The following BLK variants were observed in gnomAD, a reference collection of about 807,000 sequenced individuals.
The protein encoded by BLK is BLK proto-oncogene, Src family tyrosine kinase.
Under a neutral mutation model 61.8 loss-of-function variants are expected in BLK, and 64 were observed. That is an observed-to-expected ratio of 1.03 (90% CI 0.85 to 1.27). The LOEUF (loss-of-function observed/expected upper bound fraction) is 1.27. Among genes scored for constraint, BLK ranks in the 50% most tolerant of loss-of-function variants. The pLI is 0.00. For missense variants in BLK, 853 were observed against 660.5 expected (o/e 1.29, Z -3.19); for synonymous variants, 351 against 272.0 (o/e 1.29, Z -2.86).
At chr8:11,502,678 C>T (rs551487612) in intron 1 of BLK, among the ~76,000 whole-genome samples, 16 of 152,312 alleles carry the variant, frequency 1.1e-4, no homozygotes, top group Middle Eastern at 6.8e-3. Context: ...TCTAGCATAC[C>T]GGCACAAGCT....
At chr8:11,538,406 C>G (rs1348406109) in intron 1 of BLK, among the ~76,000 whole-genome samples, 1 of 152,210 alleles carries the variant, frequency 6.6e-6, no homozygotes, top group Non-Finnish European at 1.5e-5. Context: ...GTCAAAGCCA[C>G]TGGAGTAGGG....
At chr8:11,507,398 A>G (rs1035917270) in intron 1 of BLK, among the ~76,000 whole-genome samples, 1 of 152,224 alleles carries the variant, frequency 6.6e-6, no homozygotes, top group Non-Finnish European at 1.5e-5. Context: ...GATGTCACTA[A>G]TGGATCCTCC....
chr8:11,513,150 G>T (rs1396900493), intron 1 of BLK, among the ~76,000 whole-genome samples: 1 of 152,068 alleles, frequency 6.6e-6, no homozygotes, highest in African/African-American at 2.4e-5. Context: ...GGCCTAGATT[G>T]GTCTCTGGCC....
chr8:11,527,000 C>T (rs541343399), intron 1 of BLK, among the ~76,000 whole-genome samples: 20 of 152,276 alleles, frequency 1.3e-4, no homozygotes, highest in African/African-American at 4.3e-4. Context: ...GGGTCACACT[C>T]GGCTATCCTT....
intron 1 of BLK, among the ~76,000 whole-genome samples, chr8:11,519,125 G>T (rs1335831541): frequency 6.6e-6 from 1 of 152,140 alleles, no homozygotes; most frequent in Non-Finnish European, 1.5e-5. Context: ...GGGCTCCACG[G>T]AGCAGGAGCT....
In BLK at chr8:11,523,502, G is replaced by A. The variant is rs549865084; in HGVS notation, c.-1-19722G>A. On this transcript the variant is annotated intron_variant, in intron 1 of 12. Transcript: ENST00000259089. The stretch of plus-strand genomic sequence containing the variant: ...CCGGAGAAGGAGATTGCAGTGAGCT[G>A]CGATGGCGCCACTATACACCAGCCT... Among the ~76,000 whole-genome samples the A allele has an allele frequency of 9.2e-5, 14 of 152,286 alleles. No homozygotes were observed. In the East Asian group the frequency reaches 2.7e-3, roughly 29 times the overall value.
At chr8:11,552,752 T>C (rs376568485) in intron 6 of BLK, 1 of 152,308 alleles carries the variant, frequency 6.6e-6, no homozygotes, top group East Asian at 1.9e-4. Context: ...CCCAATCTGG[T>C]GTGGAGGAAG....
At chr8:11,530,726 G>A (rs1388810910) in intron 1 of BLK, among the ~76,000 whole-genome samples, 1 of 1,550 alleles carries the variant, frequency 6.5e-4, no homozygotes, top group Non-Finnish European at 8.3e-3. Context: ...AAAAGAATCA[G>A]CAACAATTTT....
intron 1 of BLK, among the ~76,000 whole-genome samples, chr8:11,522,892 A>G (rs1361252950): frequency 6.6e-6 from 1 of 152,224 alleles, no homozygotes; most frequent in African/African-American, 2.4e-5. Flanking sequence ...TACTAACTCC[A>G]TGATCATTAT....
intron 1 of BLK, among the ~76,000 whole-genome samples, chr8:11,514,830 G>T (rs1294188596): frequency 6.6e-6 from 1 of 152,140 alleles, no homozygotes; most frequent in Non-Finnish European, 1.5e-5. Flanking sequence ...CATACTTTCT[G>T]TATCATATGC....
intron 1 of BLK, among the ~76,000 whole-genome samples, chr8:11,529,647 T>G (rs1799808884): frequency 6.6e-6 from 1 of 152,254 alleles, no homozygotes; most frequent in East Asian, 1.9e-4. Context: ...AGGCATCTAG[T>G]TCCCAGGAAA....
At chr8:11,548,397 T>G (rs1443322551) in intron 4 of BLK, among the ~76,000 whole-genome samples, 1 of 152,236 alleles carries the variant, frequency 6.6e-6, no homozygotes, top group Non-Finnish European at 1.5e-5. Flanking sequence ...CTGACTCTTT[T>G]GGGCATGTGG....
chr8:11,561,686 C>G (rs1382453249), intron 11 of BLK, among the ~76,000 whole-genome samples: 1 of 152,176 alleles, frequency 6.6e-6, no homozygotes, highest in Non-Finnish European at 1.5e-5. Context: ...TTTGGAGAAA[C>G]AGCAGTCCAC....
chr8:11,554,895 AG>A lies in BLK; in HGVS notation c.619+11del. 4 of 1,612,192 alleles carry A rather than the reference AG, an allele frequency of 2.5e-6. No individual in the cohort carries two copies. Among genetic ancestry groups the A allele is most frequent in the Middle Eastern group, 3.4e-4 (2 of 5,910 alleles). On this transcript the variant is annotated splice_region_variant and intron_variant, in intron 7 of 12. Coordinates refer to ENST00000259089, the MANE Select transcript of BLK (RefSeq NM_001715.3). ...CCTGGTGCAGCACTATTCTAGTAAG[AG>A]GGGGCGTGCAATGGGGGCAGGGACT... is the stretch of plus-strand genomic sequence containing the variant.
intron 10 of BLK, chr8:11,558,567 C>G (rs1801337487): frequency 4.5e-6 from 2 of 443,140 alleles, no homozygotes; most frequent in African/African-American, 2.0e-5. Flanking sequence ...CCCTGGAGGA[C>G]AGCCCCACCT....
intron 1 of BLK, among the ~76,000 whole-genome samples, chr8:11,527,301 G>T (rs1473296520): frequency 6.6e-6 from 1 of 152,106 alleles, no homozygotes; most frequent in East Asian, 1.9e-4. Context: ...GCACAATTAT[G>T]CATTTTTGCA....
chr8:11,511,320 C>T (rs1798999055), intron 1 of BLK, among the ~76,000 whole-genome samples: 1 of 152,026 alleles, frequency 6.6e-6, no homozygotes, highest in Admixed American at 6.6e-5. Flanking sequence ...GGAGGGATAG[C>T]ATTAGGAGAT....
intron 2 of BLK, among the ~76,000 whole-genome samples, chr8:11,544,691 A>G (rs553965998): frequency 1.3e-5 from 2 of 152,344 alleles, no homozygotes; most frequent in South Asian, 2.1e-4. Context: ...TCCACTATGT[A>G]GAGTCACCAG....
chr8:11,507,918 C>T (rs1031143761), intron 1 of BLK, among the ~76,000 whole-genome samples: 2 of 152,158 alleles, frequency 1.3e-5, no homozygotes, highest in Non-Finnish European at 2.9e-5. Context: ...GTTCAGGGCC[C>T]AGCACTGCTA....
Sources: gnomAD v4.1 joint callset for allele counts (sites outside exome capture counted in the v4.1 genomes callset) on GRCh38, gnomAD v4.1.1 for gene constraint, MANE v1.5 for transcripts, NCBI Gene and HGNC (gene_info 2026-07-23, HGNC 2026-07-21) for gene names.